CD1B: variants seen among roughly 807,000 people sequenced by gnomAD.
The protein encoded by CD1B is CD1b molecule.
CD1B carries 43 observed loss-of-function variants against 39.8 expected under a neutral mutation model. The ratio of observed to expected loss-of-function variants is 1.08; its 90% CI spans 0.85 to 1.39. CD1B has a LOEUF of 1.39. CD1B is among the 40% of genes most tolerant of loss of function. CD1B has a pLI of 0.00. For synonymous variants in CD1B, 192 were observed against 152.5 expected, an observed-to-expected ratio of 1.26 and a Z score of -1.91; for missense variants, 495 against 403.8, an observed-to-expected ratio of 1.23 and a Z score of -1.94.
downstream of CD1B, among the ~76,000 whole-genome samples, chr1:158,326,629 TA>T (rs1327883735): frequency 1.3e-5 from 2 of 152,086 alleles, no homozygotes; most frequent in Non-Finnish European, 2.9e-5. Flanking sequence ...GGCTATATGT[TA>T]AAAAAGTCTA....
chr1:158,308,901 C>T, the CD1B span, among the ~76,000 whole-genome samples: 1 of 152,116 alleles, frequency 6.6e-6, no homozygotes, highest in African/African-American at 2.4e-5. Context: ...TAGGCAATAC[C>T]ATTCAGGACA....
chr1:158,322,137 A>G, the CD1B span, among the ~76,000 whole-genome samples: 1 of 152,138 alleles, frequency 6.6e-6, no homozygotes, highest in Non-Finnish European at 1.5e-5. Context: ...TTTAGTTATC[A>G]TTTTTAAGAG....
At chr1:158,313,625 T>A in the CD1B span, among the ~76,000 whole-genome samples, 233 of 152,278 alleles carry the variant, frequency 1.5e-3, 1 homozygote, top group African/African-American at 5.5e-3. Flanking sequence ...TTTTCTTTTT[T>A]GTTTTTGTTG....
chr1:158,313,901 T>G, the CD1B span, among the ~76,000 whole-genome samples: 5 of 152,180 alleles, frequency 3.3e-5, no homozygotes, highest in African/African-American at 9.6e-5. Context: ...TGTGGTTGTA[T>G]GAGTCCAGGC....
chr1:158,315,366 G>C, the CD1B span, among the ~76,000 whole-genome samples: 1 of 151,708 alleles, frequency 6.6e-6, no homozygotes, highest in Non-Finnish European at 1.5e-5. Context: ...GTGTGAGATG[G>C]TATCTCATTG....
chr1:158,304,027 G>A, the CD1B span, among the ~76,000 whole-genome samples: 19 of 152,196 alleles, frequency 1.2e-4, no homozygotes, highest in Non-Finnish European at 1.8e-4. Flanking sequence ...CACAGAAGAC[G>A]GGTGATTTCT....
chr1:158,317,674 C>G, the CD1B span, among the ~76,000 whole-genome samples: 1 of 152,108 alleles, frequency 6.6e-6, no homozygotes, highest in Non-Finnish European at 1.5e-5. Flanking sequence ...CAGTTCTGCT[C>G]TGATTTTAGT....
the CD1B span, chr1:158,290,060 A>G: frequency 1.1e-5 from 17 of 1,613,844 alleles, no homozygotes; most frequent in Admixed American, 3.3e-5. Flanking sequence ...ACATCTGCAA[A>G]TGACATGCTG....
At chr1:158,290,841 T>A in the CD1B span, among the ~76,000 whole-genome samples, 1 of 152,150 alleles carries the variant, frequency 6.6e-6, no homozygotes, top group Admixed American at 6.5e-5. Flanking sequence ...AGTATGAACA[T>A]CTCTGTCAGC....
intron 3 of CD1B, 48 bp downstream of exon 3, chr1:158,329,804 C>G (rs754139716): frequency 9.5e-6 from 15 of 1,584,422 alleles, no homozygotes; most frequent in South Asian, 8.3e-5. Flanking sequence ...TCTTCCTACT[C>G]TTGATCTTAG....
chr1:158,292,270 G>A, the CD1B span: 50 of 1,614,064 alleles, frequency 3.1e-5, no homozygotes, highest in Non-Finnish European at 4.1e-5. Context: ...CAGTATGAAG[G>A]CGTCACAGAA....
the CD1B span, chr1:158,293,307 GT>G: frequency 6.2e-7 from 1 of 1,611,550 alleles, no homozygotes. Flanking sequence ...GCACTGGTGA[GT>G]TTTTTGTATT....
the CD1B span, among the ~76,000 whole-genome samples, chr1:158,302,525 G>A: frequency 6.6e-6 from 1 of 151,766 alleles, no homozygotes; most frequent in Admixed American, 6.6e-5. Flanking sequence ...AATAAAATTG[G>A]TAGACCACAG....
the CD1B span, among the ~76,000 whole-genome samples, chr1:158,289,391 G>A: frequency 4.6e-5 from 7 of 152,244 alleles, no homozygotes; most frequent in African/African-American, 1.2e-4. Context: ...CATTCTGAAT[G>A]GCTGCAATTT....
Position 158,328,265 on chromosome 1 carries a change from A to G in CD1B, c.981-8T>C. 1 of 1,609,552 alleles carries G rather than the reference A, an allele frequency of 6.2e-7. No individual in the cohort carries two copies. Among genetic ancestry groups the G allele is most frequent in the African/African-American group, 1.3e-5 (1 of 74,968 alleles). On this transcript the variant is annotated splice_polypyrimidine_tract_variant and splice_region_variant and intron_variant, in intron 5 of 5. Transcript: ENST00000368168. ...GGGATATTCTGATATGACCTGTTAAAAACAGAAGAACAAAAGAGCTCCACA... is the reference window on the plus strand; with the variant it reads ...GGGATATTCTGATATGACCTGTTAAGAACAGAAGAACAAAAGAGCTCCACA...
chr1:158,291,024 G>C, the CD1B span: 6 of 1,131,086 alleles, frequency 5.3e-6, no homozygotes, highest in East Asian at 1.5e-4. Context: ...AGCTAAAGTA[G>C]TCATTAATGT....
the CD1B span, among the ~76,000 whole-genome samples, chr1:158,289,527 G>A: frequency 6.6e-6 from 1 of 152,096 alleles, no homozygotes; most frequent in South Asian, 2.1e-4. Flanking sequence ...TAAGAAAGAT[G>A]GGTGAAAAGA....
Position 158,330,782 on chromosome 1 carries a change from T to G in CD1B, c.328+14A>C. 2 of 1,613,724 alleles carry G rather than the reference T, an allele frequency of 1.2e-6. No individual in the cohort carries two copies. Among genetic ancestry groups the G allele is most frequent in the Middle Eastern group, 1.6e-4 (1 of 6,062 alleles). ...GTCCTTGAGACTCTTCCCAGTTCGG[T>G]GGACTAGACTCACATTTCATCTGGA... On this transcript the variant is annotated intron_variant, in intron 2 of 5. Transcript: ENST00000368168.
At chr1:158,311,845 G>A in the CD1B span, among the ~76,000 whole-genome samples, 2,235 of 152,104 alleles carry the variant, frequency 0.015, 54 homozygotes, top group African/African-American at 0.049. Context: ...ATTCTGTTCC[G>A]CTGATCTATG....
Sources: allele counts gnomAD v4.1 joint callset (sites outside exome capture counted in the v4.1 genomes callset), GRCh38; gene constraint gnomAD v4.1.1; transcripts MANE v1.5; gene names NCBI Gene and HGNC (gene_info 2026-07-23, HGNC 2026-07-21).